The following NPR3 variants were observed in gnomAD, a reference collection of about 807,000 sequenced individuals.
NPR3 encodes the protein atrial natriuretic peptide receptor 3.
NPR3 carries 34 observed loss-of-function variants against 54.5 expected under a neutral mutation model. The ratio of observed to expected loss-of-function variants is 0.62; its 90% confidence interval spans 0.47 to 0.83. The LOEUF (loss-of-function observed/expected upper bound fraction) is 0.83, where lower values mean the gene tolerates loss of function less well. Among genes scored for constraint, NPR3 ranks in the 40% least tolerant of loss-of-function variants. The pLI is 0.00. For missense variants in NPR3, 674 were observed against 720.8 expected (o/e 0.94, Z 0.74); for synonymous variants, 289 against 297.1 (o/e 0.97, Z 0.28).
In NPR3 at chr5:32,787,089, G is replaced by T. The variant is rs1370904635; in HGVS notation, c.*744G>T. 8 of 150,926 alleles carry T rather than the reference G, an allele frequency of 5.3e-5. No individual in the cohort carries two copies. The highest frequency in any genetic ancestry group is 1.9e-4 in the African/African-American group (8 of 41,064). The allele number at this position is 150,926 out of a possible 1,614,324, so 9.3% of individuals were successfully genotyped here. ...TACAAGTATTTTAATCTTATATTTT[G>T]GTATTAGAAAAATTTGTCTATTTTT... On this transcript the variant is annotated 3_prime_UTR_variant, in exon 8 of 8. Coordinates refer to ENST00000265074, the MANE Select transcript of NPR3 (RefSeq NM_001204375.2).
intron 2 of NPR3, among the ~76,000 whole-genome samples, chr5:32,736,134 G>A (rs956188942): frequency 6.6e-6 from 1 of 151,104 alleles, no homozygotes; most frequent in Admixed American, 6.6e-5. Flanking sequence ...GGGAGGCTGA[G>A]GCGGGAGAAT....
rs1741218321 is a variant in NPR3, at chr5:32,762,317, G to A, written c.1060-12391G>A. The stretch of plus-strand genomic sequence containing the variant: ...CCTCTGGGTATATACCCAGTAGTGG[G>A]ATTGCTAGGTCAAATGGTATTTCTG... On this transcript the variant is annotated intron_variant, in intron 3 of 7. Transcript: ENST00000265074. Among the ~76,000 whole-genome samples the A allele has an allele frequency of 2.0e-5, 3 of 151,686 alleles. No homozygotes were observed. In the South Asian group the frequency reaches 6.3e-4, roughly 32 times the overall value.
At chr5:32,733,942 T>C (rs918101565) in intron 2 of NPR3, among the ~76,000 whole-genome samples, 1 of 152,242 alleles carries the variant, frequency 6.6e-6, no homozygotes, top group African/African-American at 2.4e-5. Context: ...ATTGTTCCTA[T>C]CATTTATTAG....
chr5:32,721,388 G>A (rs779763723), intron 1 of NPR3, among the ~76,000 whole-genome samples: 3 of 152,206 alleles, frequency 2.0e-5, no homozygotes, highest in South Asian at 2.1e-4. Context: ...TAGGCTGGGC[G>A]TGGTGGCTCA....
intron 6 of NPR3, among the ~76,000 whole-genome samples, chr5:32,783,972 C>T (rs1348956513): frequency 2.0e-5 from 3 of 152,312 alleles, no homozygotes; most frequent in South Asian, 2.1e-4. Context: ...AACTGGGATA[C>T]TACTGAACTT....
upstream of NPR3, among the ~76,000 whole-genome samples, chr5:32,706,892 T>C (rs1238220635): frequency 6.6e-6 from 1 of 152,230 alleles, no homozygotes; most frequent in Non-Finnish European, 1.5e-5. Context: ...GAAGAGTGTC[T>C]TGAACTTGAT....
Position 32,789,197 on chromosome 5 carries a change from C to T in NPR3, c.*2852C>T, listed in dbSNP as rs1742778874. 1 of 254,422 alleles carries T rather than the reference C, an allele frequency of 3.9e-6. No individual in the cohort carries two copies. The highest frequency in any genetic ancestry group is 7.9e-6 in the Non-Finnish European group (1 of 127,062). The allele number at this position is 254,422 out of a possible 1,614,324, so 15.8% of individuals were successfully genotyped here. ...TCTCATCCAGTCAAACTTCAGCTGACATTGATACAGGTCAAAATGCGTAGA... is the reference window on the plus strand; with the variant it reads ...TCTCATCCAGTCAAACTTCAGCTGATATTGATACAGGTCAAAATGCGTAGA... On this transcript the variant is annotated 3_prime_UTR_variant, in exon 8 of 8. Coordinates refer to ENST00000265074, the MANE Select transcript of NPR3 (RefSeq NM_001204375.2).
chr5:32,783,073 C>T (rs1357596406), intron 6 of NPR3, 45 bp downstream of exon 6: 1 of 1,549,856 alleles, frequency 6.5e-7, no homozygotes, highest in Admixed American at 2.0e-5. Flanking sequence ...TCACCTCTAA[C>T]CTCAGTGTAA....
At chr5:32,772,927 G>A (rs1173740) in intron 3 of NPR3, among the ~76,000 whole-genome samples, 7,548 of 152,186 alleles carry the variant, frequency 0.05, 585 homozygotes, top group African/African-American at 0.17. Context: ...ACTGCTTCTC[G>A]GCACTAGCTT....
At chr5:32,744,433 G>C (rs1435714954) in intron 3 of NPR3, among the ~76,000 whole-genome samples, 1 of 152,100 alleles carries the variant, frequency 6.6e-6, no homozygotes, top group East Asian at 1.9e-4. Context: ...TAGTTCGTTA[G>C]TTTACTGGCT....
At chr5:32,771,993 C>T (rs1227060721) in intron 3 of NPR3, among the ~76,000 whole-genome samples, 2 of 152,060 alleles carry the variant, frequency 1.3e-5, no homozygotes, top group African/African-American at 2.4e-5. Flanking sequence ...GAAATTACAC[C>T]GCTACAGTTC....
chr5:32,782,772 A>T, intron 5 of NPR3, 121 bp from the exon 6 acceptor site: 1 of 951,238 alleles, frequency 1.1e-6, no homozygotes, highest in Non-Finnish European at 1.5e-6. Context: ...ATTTGATGAA[A>T]TGCCCAGAGG....
intron 1 of NPR3, among the ~76,000 whole-genome samples, chr5:32,717,275 C>G (rs1579595943): frequency 6.6e-6 from 1 of 152,070 alleles, no homozygotes; most frequent in Non-Finnish European, 1.5e-5. Flanking sequence ...GAGTTGGTTC[C>G]AAGTCTTTCC....
intron 2 of NPR3, among the ~76,000 whole-genome samples, chr5:32,732,037 C>T (rs899285200): frequency 5.9e-5 from 9 of 151,798 alleles, no homozygotes; most frequent in Non-Finnish European, 1.2e-4. Flanking sequence ...GTCAGGAGAT[C>T]GAGACCATCC....
In NPR3 at chr5:32,730,222, T is replaced by C. The variant is rs1739383236; in HGVS notation, c.892+5402T>C. Among the ~76,000 whole-genome samples the C allele has an allele frequency of 2.6e-5, 4 of 152,168 alleles. No homozygotes were observed. In the South Asian group the frequency reaches 6.2e-4, roughly 24 times the overall value. On this transcript the variant is annotated intron_variant, in intron 2 of 7. Transcript: ENST00000265074. ...TTAAAAAAAAAAGGTCACATGATCA[T>C]ATCAATAGATACAGAACAAGCTTTT...
At chr5:32,722,936 T>G (rs182010399) in intron 1 of NPR3, among the ~76,000 whole-genome samples, 2 of 152,222 alleles carry the variant, frequency 1.3e-5, no homozygotes, top group African/African-American at 4.8e-5. Context: ...TGTACTGTTT[T>G]AAAAACTTTT....
Position 32,786,251 on chromosome 5 carries a change from C to G in NPR3, c.1532C>G (p.Thr511Ser). 6.7e-7 allele frequency: 1 copy of G among 1,497,620 alleles called. No individual in the cohort carries two copies. The highest frequency in any genetic ancestry group is 9.2e-7 in the Non-Finnish European group (1 of 1,082,486). The allele number at this position is 1,497,620 out of a possible 1,614,324, so 92.8% of individuals were successfully genotyped here. The stretch of plus-strand genomic sequence containing the variant: ...TTACCCAGGAAGAAATACAGAATAA[C>G]CATTGAGAGGCGAACCCAGCAAGAA... ...FYFFRKKYRI[T>S]IERRTQQEES... Residue 511 changes from threonine (T) to serine (S), a missense_variant, in exon 8 of 8, where the codon ACC becomes AGC. Physicochemically the swap from Thr to Ser is moderately conservative, Grantham distance 58 (BLOSUM62 1). Transcript: ENST00000265074.
intron 5 of NPR3, among the ~76,000 whole-genome samples, chr5:32,782,573 C>T (rs564871697): frequency 9.1e-4 from 138 of 152,316 alleles, no homozygotes; most frequent in Middle Eastern, 3.4e-3. Flanking sequence ...ACACCACTCT[C>T]ACCGCTTCCC....
At position 32,780,749 on chromosome 5, in the gene NPR3, C is replaced by A. The variant is rs1382160428; in HGVS notation, c.1223C>A (p.Ala408Asp). The stretch of plus-strand genomic sequence containing the variant: ...ATCGCCGGGCAGGTGTCCATAGATG[C>A]CAACGGAGACCGATATGGGGATTTC... ...EGIAGQVSID[A>D]NGDRYGDFSV... The change falls in exon 5 of 8, where the codon GCC becomes GAC. Residue 408 changes from alanine to aspartate, a missense_variant. By Grantham distance (126) the Ala-to-Asp change is moderately radical. Transcript: ENST00000265074. 1.3e-6 allele frequency: 2 copies of A among 1,592,562 alleles called. No individual in the cohort carries two copies. Among genetic ancestry groups the A allele is most frequent in the Non-Finnish European group, 1.7e-6 (2 of 1,160,398 alleles).
Sources: allele counts gnomAD v4.1 joint callset (sites outside exome capture counted in the v4.1 genomes callset), GRCh38; gene constraint gnomAD v4.1.1; transcripts MANE v1.5; gene names NCBI Gene and HGNC (gene_info 2026-07-23, HGNC 2026-07-21).